CUL1: variants seen among roughly 807,000 people sequenced by gnomAD.
CUL1 encodes the protein cullin 1.
CUL1 carries 24 observed loss-of-function variants against 118.0 expected under a neutral mutation model. That is an observed-to-expected ratio of 0.20 (90% confidence interval 0.15 to 0.29). CUL1 has a LOEUF of 0.29. CUL1 is among the 10% of genes least tolerant of loss of function. The probability of loss-of-function intolerance (pLI) is 1.00; values close to 1 mark genes in which losing one functional copy is unlikely to be tolerated. For synonymous variants in CUL1, 332 were observed against 340.4 expected, an observed-to-expected ratio of 0.98 and a Z score of 0.27; for missense variants, 361 against 933.8, an observed-to-expected ratio of 0.39 and a Z score of 7.99.
At chr7:148,760,656 G>T (rs1241332268) in intron 7 of CUL1, among the ~76,000 whole-genome samples, 160 bp downstream of exon 7, 2 of 152,160 alleles carry the variant, frequency 1.3e-5, no homozygotes, top group Non-Finnish European at 2.9e-5. Flanking sequence ...AATTCTCCAA[G>T]GAGCTTCTAT....
At chr7:148,700,192 CTT>C (rs1221598045) in intron 1 of CUL1, among the ~76,000 whole-genome samples, 1 of 152,204 alleles carries the variant, frequency 6.6e-6, no homozygotes, top group Admixed American at 6.5e-5. Context: ...TGTAATTGCT[CTT>C]TCCTGTAGTA....
rs114107842 is a variant in CUL1, at chr7:148,800,137, A to G, written c.2251-365A>G. Among the ~76,000 whole-genome samples the G allele has an allele frequency of 0.012, 1,833 of 152,274 alleles. 30 individuals carry two copies. Among genetic ancestry groups the G allele is most frequent in the African/African-American group, 0.042 (1,737 of 41,570 alleles). On this transcript the variant is annotated intron_variant, in intron 21 of 21. Transcript: ENST00000325222. The surrounding 1 kb of genome is among the most constrained non-coding windows in gnomAD (Gnocchi z 4.6). ...CATGGCTGTTCAGGGAGTTCCCCAC[A>G]GTCCCCTGTTCCCTGTTCATGGCCT...
intron 14 of CUL1, 54 bp downstream of exon 14, chr7:148,788,728 A>C: frequency 1.8e-6 from 2 of 1,141,950 alleles, no homozygotes; most frequent in Non-Finnish European, 1.3e-6. Context: ...CTCTGTAGCA[A>C]ATGAAGAAAT....
intron 9 of CUL1, among the ~76,000 whole-genome samples, chr7:148,782,111 CAGAA>C (rs1187101025): frequency 4.6e-5 from 7 of 152,092 alleles, no homozygotes; most frequent in Admixed American, 3.3e-4. Context: ...AATACTGTAA[CAGAA>C]GGAAGGCAGA....
In CUL1 at chr7:148,787,229, G is replaced by A. The variant is rs993297934; in HGVS notation, c.1479+109G>A. 1.6e-5 allele frequency: 17 copies of A among 1,067,142 alleles called. No individual in the cohort carries two copies. Among genetic ancestry groups the A allele is most frequent in the East Asian group, 2.7e-5 (1 of 36,860 alleles). The allele number at this position is 1,067,142 out of a possible 1,614,324, so 66.1% of individuals were successfully genotyped here. On this transcript the variant is annotated intron_variant, in intron 13 of 21. Transcript: ENST00000325222. The surrounding 1 kb of genome is among the most constrained non-coding windows in gnomAD (Gnocchi z 5.5). ...TGTAATCCCAGCACTTTGGGAGGCC[G>A]AGGCGGGCAGATCACGAGGTCAGGA... is the stretch of plus-strand genomic sequence containing the variant.
chr7:148,768,937 C>T (rs1022791915), intron 9 of CUL1, among the ~76,000 whole-genome samples: 3 of 152,032 alleles, frequency 2.0e-5, no homozygotes, highest in Admixed American at 1.3e-4. Flanking sequence ...GTTTTTAAAA[C>T]AATTTTATGC....
chr7:148,718,123 G>T (rs565756772), intron 1 of CUL1, among the ~76,000 whole-genome samples: 26 of 152,304 alleles, frequency 1.7e-4, no homozygotes, highest in African/African-American at 6.3e-4. Context: ...GGTTGTCTTG[G>T]AGAGATGCAT....
chr7:148,780,294 A>G (rs1800579185), intron 9 of CUL1, among the ~76,000 whole-genome samples: 1 of 152,190 alleles, frequency 6.6e-6, no homozygotes, highest in Non-Finnish European at 1.5e-5. Flanking sequence ...TGGCTTTGTA[A>G]TGGACAGGTT....
At chr7:148,706,397 T>A (rs573654065) in intron 1 of CUL1, among the ~76,000 whole-genome samples, 1 of 152,246 alleles carries the variant, frequency 6.6e-6, no homozygotes, top group East Asian at 1.9e-4. Flanking sequence ...AATGCAGTCC[T>A]GGTTGAGGAT....
Position 148,787,071 on chromosome 7 carries a change from A to G in CUL1, c.1430A>G (p.Gln477Arg), listed in dbSNP as rs1337802806. ...ATGCTCGCCAAGAGGCTCGTCCACC[A>G]GAACAGTGCAAGTGACGATGCCGAA... ...AKMLAKRLVH[Q>R]NSASDDAEAS... Residue 477 changes from glutamine to arginine, a missense_variant, in exon 13 of 22, where the codon CAG becomes CGG. Around this residue, in one of 7 missense-constraint regions of CUL1, gnomAD observed 169 missense variants for 429.7 expected, o/e 0.39. Coordinates refer to ENST00000325222, the MANE Select transcript of CUL1 (RefSeq NM_003592.3). This position sits in a 1 kb window ranked among gnomAD's most constrained non-coding sequence, Gnocchi z 5.5. 6.2e-7 allele frequency: 1 copy of G among 1,613,896 alleles called. No homozygotes were observed.
At position 148,728,330 on chromosome 7, in the gene CUL1, G is replaced by C. The variant is rs914311061; in HGVS notation, c.-161-1632G>C. 3.3e-5 allele frequency among the ~76,000 whole-genome samples: 5 copies of C among 152,198 alleles called. No homozygotes were observed. The East Asian group carries it at 5.8e-4, about 18-fold the overall frequency. On this transcript the variant is annotated intron_variant, in intron 1 of 21. Transcript: ENST00000325222. ...GAAAAGGAGTAAAAGAGCATCTAGA[G>C]AGGTATGAGAAAGCTCATCCAAGAC...
chr7:148,712,914 T>G (rs1287499335), intron 1 of CUL1, among the ~76,000 whole-genome samples: 1 of 152,196 alleles, frequency 6.6e-6, no homozygotes, highest in African/African-American at 2.4e-5. Flanking sequence ...TTTAGTAAAA[T>G]ATTTTTTGTG....
chr7:148,791,029 G>A (rs1403775415), intron 16 of CUL1, among the ~76,000 whole-genome samples: 4 of 152,166 alleles, frequency 2.6e-5, no homozygotes, highest in Non-Finnish European at 5.9e-5. Context: ...TTCTCTTAAA[G>A]TCTAGGCTTG....
intron 1 of CUL1, among the ~76,000 whole-genome samples, chr7:148,709,818 T>TAATTA (rs1251462086): frequency 6.6e-6 from 1 of 152,132 alleles, no homozygotes; most frequent in Non-Finnish European, 1.5e-5. Context: ...GCGTGGTGGC[T>TAATTA]CACGTCTGTA....
chr7:148,779,233 T>TG (rs1400494152), intron 9 of CUL1, among the ~76,000 whole-genome samples: 1 of 152,210 alleles, frequency 6.6e-6, no homozygotes, highest in African/African-American at 2.4e-5. Context: ...ATGTTCCTGG[T>TG]TTAGCCATTT....
chr7:148,732,504 G>C (rs1296514702), intron 2 of CUL1, among the ~76,000 whole-genome samples: 2 of 151,496 alleles, frequency 1.3e-5, no homozygotes, highest in African/African-American at 2.4e-5. Flanking sequence ...ATCATGCCCG[G>C]CTAATTTTTT....
chr7:148,793,981 C>T (rs545674705), intron 17 of CUL1, among the ~76,000 whole-genome samples: 1 of 152,258 alleles, frequency 6.6e-6, no homozygotes, highest in African/African-American at 2.4e-5. Context: ...TTTTGACTTG[C>T]ATTTCTCTAA....
At chr7:148,743,773 C>A (rs537041998) in intron 2 of CUL1, among the ~76,000 whole-genome samples, 1 of 152,064 alleles carries the variant, frequency 6.6e-6, no homozygotes, top group African/African-American at 2.4e-5. Context: ...ACTAAAAATA[C>A]AAAAATTAGC....
At chr7:148,759,992 G>A (rs981685822) in intron 6 of CUL1, among the ~76,000 whole-genome samples, 40 of 152,118 alleles carry the variant, frequency 2.6e-4, no homozygotes, top group Non-Finnish European at 1.5e-5. Flanking sequence ...GTAATACAAT[G>A]TCTTAAAAAC....
Sources: gnomAD v4.1 joint callset for allele counts (sites outside exome capture counted in the v4.1 genomes callset) on GRCh38, gnomAD v4.1.1 for gene constraint, gnomAD v4.1.1 regional missense constraint, Gnocchi (gnomAD v3.1) non-coding constraint, MANE v1.5 for transcripts, NCBI Gene and HGNC (gene_info 2026-07-23, HGNC 2026-07-21) for gene names.